Variants in DRC8 observed in about 807,000 individuals in gnomAD.
DRC8 encodes the protein dynein regulatory complex protein 8.
chr1:245,017,354 A>G, the DRC8 span: 4 of 1,565,622 alleles, frequency 2.6e-6, no homozygotes, highest in East Asian at 4.5e-5. Flanking sequence ...TTTTTGTTAC[A>G]CTTTTAAATT....
the DRC8 span, among the ~76,000 whole-genome samples, chr1:245,063,539 A>T: frequency 6.6e-6 from 1 of 152,304 alleles, no homozygotes; most frequent in East Asian, 1.9e-4. Context: ...TGCCTGGAGC[A>T]GCCCATTGGA....
the DRC8 span, chr1:244,971,165 C>T: frequency 6.6e-6 from 1 of 152,382 alleles, no homozygotes; most frequent in African/African-American, 2.4e-5. Context: ...CCTGCCCCGC[C>T]GCCGGCTAGC....
the DRC8 span, among the ~76,000 whole-genome samples, chr1:245,116,173 C>T: frequency 6.6e-6 from 1 of 151,904 alleles, no homozygotes; most frequent in Admixed American, 6.6e-5. Context: ...TAGACATGAG[C>T]CACTGTGCCT....
the DRC8 span, among the ~76,000 whole-genome samples, chr1:244,997,107 C>T: frequency 2.0e-5 from 3 of 152,096 alleles, no homozygotes; most frequent in African/African-American, 4.8e-5. Flanking sequence ...ATGTTCAGTA[C>T]AGATGCAGTT....
the DRC8 span, among the ~76,000 whole-genome samples, chr1:245,118,807 A>AAAGAAAAGAAAAGAAAAGAG: frequency 1.2e-5 from 1 of 83,116 alleles, no homozygotes; most frequent in Non-Finnish European, 2.6e-5. Flanking sequence ...AAAGAAAAGA[A>AAAGAAAAGAAAAGAAAAGAG]AAGAAAAGAA....
the DRC8 span, among the ~76,000 whole-genome samples, chr1:245,038,858 T>C: frequency 6.6e-6 from 1 of 151,808 alleles, no homozygotes; most frequent in Non-Finnish European, 1.5e-5. Flanking sequence ...TTTTAAAATT[T>C]AATAAAATTT....
the DRC8 span, among the ~76,000 whole-genome samples, chr1:245,081,617 C>T: frequency 2.0e-5 from 3 of 151,928 alleles, no homozygotes; most frequent in African/African-American, 4.8e-5. Context: ...TACAGGTGTG[C>T]GCCACTACGC....
chr1:244,974,919 C>CTTTATTTTTTTTATT, the DRC8 span, among the ~76,000 whole-genome samples: 16 of 151,724 alleles, frequency 1.1e-4, no homozygotes, highest in African/African-American at 3.9e-4. Context: ...GTCTCAAACT[C>CTTTATTTTTTTTATT]TTTATTTTTT....
chr1:245,113,891 C>A, the DRC8 span, among the ~76,000 whole-genome samples: 1 of 152,122 alleles, frequency 6.6e-6, no homozygotes, highest in Non-Finnish European at 1.5e-5. Context: ...TGACGTGGGG[C>A]TCCCAACTCA....
the DRC8 span, chr1:245,001,998 C>A: frequency 1.4e-6 from 1 of 704,108 alleles, no homozygotes; most frequent in South Asian, 1.8e-5. Context: ...AAAGCATGGT[C>A]CTTTCTCAGA....
the DRC8 span, among the ~76,000 whole-genome samples, chr1:245,104,073 T>G: frequency 6.6e-6 from 1 of 152,056 alleles, no homozygotes; most frequent in Non-Finnish European, 1.5e-5. Context: ...GATGGGGATG[T>G]GGGGATATAG....
the DRC8 span, among the ~76,000 whole-genome samples, chr1:244,974,170 T>C: frequency 6.6e-6 from 1 of 152,220 alleles, no homozygotes; most frequent in African/African-American, 2.4e-5. Flanking sequence ...TCCTTCTGTT[T>C]TGTCTGTTTA....
the DRC8 span, among the ~76,000 whole-genome samples, chr1:245,076,066 A>G: frequency 6.6e-6 from 1 of 152,230 alleles, no homozygotes; most frequent in African/African-American, 2.4e-5. Context: ...TTTAATTGCC[A>G]CATTCCACGT....
chr1:245,121,928 T>A, the DRC8 span: 37 of 417,880 alleles, frequency 8.9e-5, 1 homozygote, highest in African/African-American at 2.6e-4. Context: ...AGATGGAGTT[T>A]CGCTCCGTCG....
the DRC8 span, among the ~76,000 whole-genome samples, chr1:244,991,025 G>C: frequency 6.6e-6 from 1 of 152,110 alleles, no homozygotes; most frequent in Admixed American, 6.5e-5. Flanking sequence ...GGTCCCACAA[G>C]ACCATTCCCT....
the DRC8 span, among the ~76,000 whole-genome samples, chr1:245,038,225 C>G: frequency 6.6e-6 from 1 of 152,154 alleles, no homozygotes; most frequent in Non-Finnish European, 1.5e-5. Context: ...AATCCCAGCA[C>G]TTTGGGAGGC....
At chr1:245,060,589 TA>T in the DRC8 span, among the ~76,000 whole-genome samples, 16,286 of 152,192 alleles carry the variant, frequency 0.11, 1,236 homozygotes, top group African/African-American at 0.21. Context: ...ATGCTCACAT[TA>T]AAAAAAGATA....
chr1:245,073,602 T>C, the DRC8 span, among the ~76,000 whole-genome samples: 1 of 152,058 alleles, frequency 6.6e-6, no homozygotes, highest in Non-Finnish European at 1.5e-5. Flanking sequence ...CAAACTCAAA[T>C]TTATTAATTA....
the DRC8 span, among the ~76,000 whole-genome samples, chr1:245,026,729 C>T: frequency 6.6e-6 from 1 of 152,188 alleles, no homozygotes; most frequent in African/African-American, 2.4e-5. Context: ...ACATGTGTAA[C>T]TTGGATAAAT....
Sources: allele counts gnomAD v4.1 joint callset (sites outside exome capture counted in the v4.1 genomes callset), GRCh38; gene constraint gnomAD v4.1.1; transcripts MANE v1.5; gene names NCBI Gene and HGNC (gene_info 2026-07-23, HGNC 2026-07-21).